The following PRKAR2B variants were observed in gnomAD, a reference collection of about 807,000 sequenced individuals.
The protein encoded by PRKAR2B is cAMP-dependent protein kinase type II-beta regulatory subunit.
In PRKAR2B, 14 loss-of-function variants were observed where a neutral mutation model predicts 49.9. The ratio of observed to expected loss-of-function variants is 0.28; its 90% CI spans 0.19 to 0.44. The LOEUF is 0.44. PRKAR2B is among the 20% of genes least tolerant of loss of function. The probability of loss-of-function intolerance (pLI) is 1.00; values close to 1 mark genes in which losing one functional copy is unlikely to be tolerated. For missense variants in PRKAR2B, 393 were observed against 537.9 expected, an observed-to-expected ratio of 0.73 and a Z score of 2.67; for synonymous variants, 196 against 197.7, an observed-to-expected ratio of 0.99 and a Z score of 0.07.
chr7:107,079,969 A>G (rs1794485531), intron 2 of PRKAR2B, among the ~76,000 whole-genome samples: 1 of 152,216 alleles, frequency 6.6e-6, no homozygotes, highest in African/African-American at 2.4e-5. Context: ...ATATAGTTAC[A>G]GGGTGAGCCT....
intron 1 of PRKAR2B, among the ~76,000 whole-genome samples, chr7:107,059,635 T>C (rs984232076): frequency 3.3e-5 from 5 of 152,154 alleles, no homozygotes; most frequent in Non-Finnish European, 7.3e-5. Flanking sequence ...AATATACACT[T>C]TATCCATTCT....
intron 3 of PRKAR2B, among the ~76,000 whole-genome samples, chr7:107,122,260 A>G (rs1009149783): frequency 3.8e-4 from 58 of 152,286 alleles, no homozygotes; most frequent in African/African-American, 1.4e-3. Context: ...TGTCTTTCTC[A>G]TAGTGATAAT....
intron 4 of PRKAR2B, among the ~76,000 whole-genome samples, chr7:107,132,039 T>C (rs1046770343): frequency 1.3e-4 from 20 of 152,220 alleles, no homozygotes; most frequent in Admixed American, 1.3e-3. Context: ...CTGCAAAGCA[T>C]GTTGGGAAAA....
At chr7:107,122,657 C>A (rs1226723299) in intron 3 of PRKAR2B, among the ~76,000 whole-genome samples, 1 of 152,138 alleles carries the variant, frequency 6.6e-6, no homozygotes. Context: ...TGCAAAAGTG[C>A]CTCTTGTTTC....
intron 4 of PRKAR2B, 29 bp downstream of exon 4, chr7:107,128,324 C>G: frequency 6.5e-7 from 1 of 1,540,256 alleles, no homozygotes; most frequent in Non-Finnish European, 9.0e-7. Context: ...ATAGAAATGG[C>G]TTTGTTTTTT....
At chr7:107,115,097 T>C (rs1795246793) in intron 2 of PRKAR2B, among the ~76,000 whole-genome samples, 1 of 151,986 alleles carries the variant, frequency 6.6e-6, no homozygotes, top group South Asian at 2.1e-4. Context: ...ATTACATGTC[T>C]GGGATGGTTT....
chr7:107,064,494 A>G (rs1266642510), intron 1 of PRKAR2B, among the ~76,000 whole-genome samples: 1 of 152,154 alleles, frequency 6.6e-6, no homozygotes, highest in Non-Finnish European at 1.5e-5. Flanking sequence ...TGTATAATCA[A>G]AAAGGAAGAA....
chr7:107,120,139 C>T (rs1795361494), intron 2 of PRKAR2B, among the ~76,000 whole-genome samples: 1 of 152,132 alleles, frequency 6.6e-6, no homozygotes, highest in South Asian at 2.1e-4. Flanking sequence ...AGATGATGTA[C>T]TTTAGATCAG....
At chr7:107,137,313 A>G (rs1216172714) in intron 4 of PRKAR2B, among the ~76,000 whole-genome samples, 2 of 152,138 alleles carry the variant, frequency 1.3e-5, no homozygotes, top group Non-Finnish European at 2.9e-5. Context: ...AAATTCCCTC[A>G]TTGCAGGTTT....
chr7:107,045,476 C>T (rs1025318164), intron 1 of PRKAR2B, among the ~76,000 whole-genome samples: 7 of 152,216 alleles, frequency 4.6e-5, no homozygotes, highest in African/African-American at 1.7e-4. Flanking sequence ...CCCTCTTACC[C>T]TTTGCCCCCT....
At chr7:107,045,358 C>A in intron 1 of PRKAR2B, 144 bp downstream of exon 1, 1 of 690,954 alleles carries the variant, frequency 1.4e-6, no homozygotes, top group South Asian at 2.0e-5. Flanking sequence ...TCTCGCCCAC[C>A]CCCTCAGCAT....
At chr7:107,148,544 CAT>C (rs1300329124) in intron 6 of PRKAR2B, among the ~76,000 whole-genome samples, 2 of 152,284 alleles carry the variant, frequency 1.3e-5, no homozygotes, top group East Asian at 1.9e-4. Context: ...ATCCTCCTGA[CAT>C]ATAATAGCTT....
intron 2 of PRKAR2B, among the ~76,000 whole-genome samples, chr7:107,080,220 G>T (rs1310575888): frequency 1.3e-5 from 2 of 152,182 alleles, no homozygotes; most frequent in African/African-American, 2.4e-5. Flanking sequence ...CCAGTGTGGG[G>T]AGCCACAGCG....
intron 2 of PRKAR2B, among the ~76,000 whole-genome samples, chr7:107,074,835 G>A (rs1794364290): frequency 6.6e-6 from 1 of 151,886 alleles, no homozygotes; most frequent in Non-Finnish European, 1.5e-5. Context: ...TTTAGTGGTG[G>A]TAGTAGTAGT....
At chr7:107,099,779 C>T (rs1794922599) in intron 2 of PRKAR2B, among the ~76,000 whole-genome samples, 1 of 151,950 alleles carries the variant, frequency 6.6e-6, no homozygotes, top group South Asian at 2.1e-4. Context: ...GGACTACAGG[C>T]CCCCACCACC....
At chr7:107,104,919 G>T (rs1795045263) in intron 2 of PRKAR2B, among the ~76,000 whole-genome samples, 1 of 152,188 alleles carries the variant, frequency 6.6e-6, no homozygotes, top group Non-Finnish European at 1.5e-5. Flanking sequence ...TATAAGGACT[G>T]GGAGTACTGC....
rs951725332 is a variant in PRKAR2B, at chr7:107,100,941, T to A, written c.344-21011T>A. 2.0e-5 allele frequency among the ~76,000 whole-genome samples: 3 copies of A among 152,070 alleles called. No individual in the cohort carries two copies. The South Asian group carries it at 6.2e-4, about 31-fold the overall frequency. On this transcript the variant is annotated intron_variant, in intron 2 of 10. Transcript: ENST00000265717. ...GTGAACATATTTATAATAGCTGCCT[T>A]GAAATTGAAATCTTTGCTAAGTCTA...
Position 107,104,355 on chromosome 7 carries a change from C to G in PRKAR2B, c.344-17597C>G, listed in dbSNP as rs1795034106. 1.3e-5 allele frequency among the ~76,000 whole-genome samples: 2 copies of G among 152,108 alleles called. 1 individual carries two copies. The highest frequency in any genetic ancestry group is 4.1e-4 in the South Asian group (2 of 4,828). Reference sequence around the variant, plus strand: ...TGCCCTCCTCGCCTCAAAAAAATTCCTAATTGTTTCTTAGTTTCAAGGGGC... The same window carrying G: ...TGCCCTCCTCGCCTCAAAAAAATTCGTAATTGTTTCTTAGTTTCAAGGGGC... On this transcript the variant is annotated intron_variant, in intron 2 of 10. Transcript: ENST00000265717.
In PRKAR2B at chr7:107,044,860, G is replaced by A. The variant is rs1351037524; in HGVS notation, c.-48G>A. The A allele has an allele frequency of 6.6e-7, 1 of 1,515,282 alleles. No homozygotes were observed. The highest frequency in any genetic ancestry group is 1.2e-5 in the South Asian group (1 of 81,520). The allele number at this position is 1,515,282 out of a possible 1,614,324, so 93.9% of individuals were successfully genotyped here. ...AGCCGCGGGGCCCTAGGCCGTGCCG[G>A]GGAGGGGGCGAGGGCGGCGCCCAGG... On this transcript the variant is annotated 5_prime_UTR_variant, in exon 1 of 11. Coordinates refer to ENST00000265717, the MANE Select transcript of PRKAR2B (RefSeq NM_002736.3).
Sources: allele counts gnomAD v4.1 joint callset (sites outside exome capture counted in the v4.1 genomes callset), GRCh38; gene constraint gnomAD v4.1.1; transcripts MANE v1.5; gene names NCBI Gene and HGNC (gene_info 2026-07-23, HGNC 2026-07-21).